Variants in IQCK observed in about 807,000 individuals in gnomAD.
IQCK encodes the protein IQ domain-containing protein K.
In IQCK, 29 loss-of-function variants were observed where a neutral mutation model predicts 28.1. The observed-to-expected ratio is 1.03, with a 90% CI of 0.77 to 1.41. The LOEUF is 1.41. Among genes scored for constraint, IQCK ranks in the 40% most tolerant of loss-of-function variants. The pLI is 0.00. For synonymous variants in IQCK, 113 were observed against 115.1 expected, an observed-to-expected ratio of 0.98 and a Z score of 0.12; for missense variants, 359 against 314.7, an observed-to-expected ratio of 1.14 and a Z score of -1.07.
intron 7 of IQCK, among the ~76,000 whole-genome samples, chr16:19,819,858 A>G (rs919090939): frequency 2.0e-5 from 3 of 152,130 alleles, no homozygotes; most frequent in Non-Finnish European, 2.9e-5. Flanking sequence ...CTAAAAATAC[A>G]GAAAGTCCAT....
intron 9 of IQCK, among the ~76,000 whole-genome samples, chr16:19,854,401 G>A (rs2056526994): frequency 6.6e-6 from 1 of 151,810 alleles, no homozygotes; most frequent in South Asian, 2.1e-4. Context: ...TCCCCAACTT[G>A]TCCCTAGAGA....
downstream of IQCK, among the ~76,000 whole-genome samples, chr16:19,828,578 T>C (rs2056183338): frequency 6.6e-6 from 1 of 151,856 alleles, no homozygotes; most frequent in African/African-American, 2.4e-5. Flanking sequence ...TGCAGAACTA[T>C]AAGTTTTTAT....
intron 6 of IQCK, among the ~76,000 whole-genome samples, chr16:19,766,261 C>CT (rs1328297786): frequency 6.6e-6 from 1 of 152,236 alleles, no homozygotes; most frequent in Non-Finnish European, 1.5e-5. Context: ...AAGTATGGCC[C>CT]TGGCCCCTTG....
At chr16:19,817,503 A>G (rs771892810) in intron 7 of IQCK, among the ~76,000 whole-genome samples, 1 of 152,152 alleles carries the variant, frequency 6.6e-6, no homozygotes, top group African/African-American at 2.4e-5. Flanking sequence ...AAGGAAATTA[A>G]GGAAAAGATG....
chr16:19,731,193 C>T (rs191750769), intron 2 of IQCK, among the ~76,000 whole-genome samples: 30 of 152,226 alleles, frequency 2.0e-4, no homozygotes, highest in African/African-American at 6.3e-4. Context: ...ACAGGGTAGA[C>T]AAGATGAAGA....
intron 6 of IQCK, among the ~76,000 whole-genome samples, chr16:19,773,697 GGTGGGCCAGATT>G (rs778384289): frequency 1.3e-5 from 2 of 152,192 alleles, no homozygotes; most frequent in Non-Finnish European, 2.9e-5. Context: ...AAAAACAGGT[GGTGGGCCAGATT>G]TGGCCCATGA....
chr16:19,764,889 C>T (rs1304150316), intron 6 of IQCK, among the ~76,000 whole-genome samples: 43 of 138,484 alleles, frequency 3.1e-4, no homozygotes, highest in Non-Finnish European at 3.1e-5. Context: ...TTATTAGAGA[C>T]GGGGTTTCAC....
chr16:19,820,297 G>A (rs1321713273), intron 7 of IQCK, among the ~76,000 whole-genome samples: 10 of 152,016 alleles, frequency 6.6e-5, no homozygotes, highest in South Asian at 2.1e-4. Flanking sequence ...TGGGTGGATC[G>A]CTTGAGGTCA....
At chr16:19,774,217 T>G (rs2055357342) in intron 6 of IQCK, among the ~76,000 whole-genome samples, 1 of 152,068 alleles carries the variant, frequency 6.6e-6, no homozygotes, top group Non-Finnish European at 1.5e-5. Flanking sequence ...CTGTGTGACT[T>G]TGGGCAAAGA....
At chr16:19,826,830 C>G (rs1229667897) in intron 7 of IQCK, among the ~76,000 whole-genome samples, 196 bp from the exon 8 acceptor site, 4 of 152,208 alleles carry the variant, frequency 2.6e-5, no homozygotes, top group African/African-American at 9.6e-5. Context: ...ATTACTATAG[C>G]AAATCTTCAC....
intron 9 of IQCK, among the ~76,000 whole-genome samples, chr16:19,846,864 A>G (rs767744652): frequency 1.3e-5 from 2 of 151,174 alleles, no homozygotes; most frequent in Non-Finnish European, 2.9e-5. Context: ...TCTATAATGT[A>G]TTGCTCTTCA....
chr16:19,728,964 T>C (rs977548795), intron 1 of IQCK, among the ~76,000 whole-genome samples: 1 of 152,178 alleles, frequency 6.6e-6, no homozygotes, highest in Non-Finnish European at 1.5e-5. Context: ...ACAAATTAAT[T>C]TTTCCTCATG....
intron 6 of IQCK, among the ~76,000 whole-genome samples, chr16:19,775,713 C>T (rs1246759293): frequency 1.3e-5 from 2 of 152,108 alleles, no homozygotes; most frequent in African/African-American, 2.4e-5. Context: ...TGTAGGAGGT[C>T]CCTCAGCTCT....
chr16:19,832,889 C>T (rs750563120), intron 9 of IQCK, among the ~76,000 whole-genome samples: 2 of 152,102 alleles, frequency 1.3e-5, no homozygotes, highest in Non-Finnish European at 2.9e-5. Flanking sequence ...TGAGAACTCA[C>T]TCACTATCAT....
rs116855879 is a variant in IQCK, at chr16:19,771,248, C to T, written c.605+7136C>T. The stretch of plus-strand genomic sequence containing the variant: ...CTGAGGCTACAGGTGCATGCCATCA[C>T]GGCCAGCTAATTTTTGTATTTTTGG... On this transcript the variant is annotated intron_variant, in intron 6 of 7. Transcript: ENST00000564186. Among the ~76,000 whole-genome samples, 557 of 152,264 alleles carry T rather than the reference C, an allele frequency of 3.7e-3. 4 individuals are homozygous for T. Among genetic ancestry groups the T allele is most frequent in the East Asian group, 0.015 (80 of 5,162 alleles).
intron 2 of IQCK, among the ~76,000 whole-genome samples, chr16:19,733,187 G>A (rs1282234180): frequency 2.0e-5 from 3 of 151,768 alleles, no homozygotes; most frequent in African/African-American, 7.3e-5. Context: ...GCCCAGGCTA[G>A]AGTGCAATGG....
rs150001712 is a variant in IQCK, at chr16:19,720,147, A to G, written c.181+1660A>G. On this transcript the variant is annotated intron_variant, in intron 1 of 7. Coordinates refer to ENST00000564186, the Ensembl canonical transcript of IQCK. Reference sequence around the variant, plus strand: ...AGGAAGAGAATAGTAGACTCAGTTGATAGATGCCCTCCAAAGCTGTCTGTT... The same window carrying G: ...AGGAAGAGAATAGTAGACTCAGTTGGTAGATGCCCTCCAAAGCTGTCTGTT... Among the ~76,000 whole-genome samples the G allele has an allele frequency of 3.4e-3, 524 of 152,322 alleles. 2 individuals are homozygous for G. The highest frequency in any genetic ancestry group is 0.012 in the African/African-American group (498 of 41,570).
intron 7 of IQCK, among the ~76,000 whole-genome samples, chr16:19,802,933 C>T (rs1158508163): frequency 1.3e-5 from 2 of 152,126 alleles, no homozygotes; most frequent in Non-Finnish European, 2.9e-5. Flanking sequence ...TAAACACATA[C>T]GACTTTTACG....
exon 3 of IQCK, chr16:19,733,747 A>G (rs376042830): frequency 1.9e-6 from 3 of 1,614,036 alleles, no homozygotes; most frequent in Non-Finnish European, 2.5e-6. Context: ...GCAGAGCACT[A>G]TTTTCCGGTT....
Sources: gnomAD v4.1 joint callset for allele counts (sites outside exome capture counted in the v4.1 genomes callset) on GRCh38, gnomAD v4.1.1 for gene constraint, MANE v1.5 for transcripts, NCBI Gene and HGNC (gene_info 2026-07-23, HGNC 2026-07-21) for gene names.